Variants in ROBO1 observed in about 807,000 individuals in gnomAD.
The protein encoded by ROBO1 is roundabout guidance receptor 1, also known as roundabout homolog 1.
In ROBO1, 149 loss-of-function variants were observed where a neutral mutation model predicts 195.9. The ratio of observed to expected loss-of-function variants is 0.76; its 90% CI spans 0.67 to 0.87. ROBO1 has a LOEUF of 0.87. Ranked by LOEUF, ROBO1 falls within the 40% of genes least tolerant of loss-of-function variation. The pLI is 0.00. For synonymous variants in ROBO1, 816 were observed against 733.2 expected, an observed-to-expected ratio of 1.11 and a Z score of -1.82; for missense variants, 1,933 against 2,068.3, an observed-to-expected ratio of 0.93 and a Z score of 1.27.
intron 26 of ROBO1, among the ~76,000 whole-genome samples, chr3:78,625,033 G>A (rs2107461599): frequency 6.6e-6 from 1 of 152,274 alleles, no homozygotes; most frequent in Middle Eastern, 3.4e-3. Context: ...TTAAATACTG[G>A]GTTAAACACT....
At chr3:79,672,670 G>A (rs1946665707) in intron 1 of ROBO1, among the ~76,000 whole-genome samples, 1 of 151,886 alleles carries the variant, frequency 6.6e-6, no homozygotes, top group African/African-American at 2.4e-5. Flanking sequence ...GTTGTTGGCT[G>A]TTGTATCTTT....
intron 2 of ROBO1, among the ~76,000 whole-genome samples, chr3:79,196,854 C>A (rs2108768520): frequency 6.6e-6 from 1 of 151,804 alleles, no homozygotes; most frequent in Admixed American, 6.6e-5. Context: ...AAAAATATTT[C>A]AAACTATTCC....
intron 5 of ROBO1, among the ~76,000 whole-genome samples, chr3:78,729,815 A>T (rs1401457306): frequency 6.6e-6 from 1 of 152,240 alleles, no homozygotes; most frequent in Admixed American, 6.5e-5. Flanking sequence ...GGTAGATTAC[A>T]TGGTAGCATT....
Position 79,142,993 on chromosome 3 carries a change from C to T in ROBO1, c.89-17454G>A, listed in dbSNP as rs200893024. On this transcript the variant is annotated intron_variant, in intron 2 of 30. Transcript: ENST00000464233. ...ACATTTGGCATTTGAAAATGCCTTA[C>T]GTCTTCAACATAAACCGTAAAAGTG... Among the ~76,000 whole-genome samples, 327 of 152,154 alleles carry T rather than the reference C, an allele frequency of 2.1e-3. 1 individual carries two copies. The highest frequency in any genetic ancestry group is 7.4e-3 in the African/African-American group (307 of 41,544).
intron 4 of ROBO1, among the ~76,000 whole-genome samples, chr3:78,834,795 G>C (rs562223681): frequency 6.6e-6 from 1 of 152,004 alleles, no homozygotes; most frequent in South Asian, 2.1e-4. Context: ...TTTTAAAGCA[G>C]GTCTAAAAAT....
intron 4 of ROBO1, among the ~76,000 whole-genome samples, chr3:78,747,860 C>T (rs546757645): frequency 6.6e-6 from 1 of 152,232 alleles, no homozygotes; most frequent in South Asian, 2.1e-4. Context: ...ATCAAGAAAT[C>T]ATGAATTATG....
At chr3:78,855,366 T>G (rs329812) in intron 4 of ROBO1, among the ~76,000 whole-genome samples, 1 of 152,034 alleles carries the variant, frequency 6.6e-6, no homozygotes, top group African/African-American at 2.4e-5. Context: ...GAATTAGATC[T>G]GCTCTTGGAG....
At chr3:79,106,157 A>G (rs1047126360) in intron 3 of ROBO1, among the ~76,000 whole-genome samples, 2 of 151,740 alleles carry the variant, frequency 1.3e-5, no homozygotes, top group African/African-American at 2.4e-5. Flanking sequence ...AAACAAGCAA[A>G]TTGTCTGCTT....
chr3:78,781,379 A>T lies in ROBO1; in HGVS notation c.500-34479T>A, dbSNP rs1307956190. ...CATTTAATTCTATCTAGGTAGCCTC[A>T]AAGCACAAACTCTAACCCCAAGTGG... On this transcript the variant is annotated intron_variant, in intron 4 of 30. Transcript: ENST00000464233. 2.6e-5 allele frequency among the ~76,000 whole-genome samples: 4 copies of T among 152,326 alleles called. No homozygotes were observed. In the East Asian group the frequency reaches 7.7e-4, roughly 29 times the overall value.
chr3:78,894,124 G>T (rs1345572934), intron 4 of ROBO1, among the ~76,000 whole-genome samples: 1 of 152,058 alleles, frequency 6.6e-6, no homozygotes, highest in Non-Finnish European at 1.5e-5. Context: ...CACATTAAAA[G>T]AATATATGGT....
intron 2 of ROBO1, among the ~76,000 whole-genome samples, chr3:79,553,236 C>G (rs570109723): frequency 1.3e-5 from 2 of 152,066 alleles, no homozygotes; most frequent in African/African-American, 4.8e-5. Flanking sequence ...TCTAATTGTG[C>G]TTATTCCATA....
At chr3:79,184,637 G>A (rs2081403808) in intron 2 of ROBO1, among the ~76,000 whole-genome samples, 1 of 152,066 alleles carries the variant, frequency 6.6e-6, no homozygotes. Context: ...GACCAAGATT[G>A]GGGAAGAGCT....
At chr3:79,217,661 T>G (rs573155209) in intron 2 of ROBO1, among the ~76,000 whole-genome samples, 20 of 152,088 alleles carry the variant, frequency 1.3e-4, no homozygotes, top group Middle Eastern at 6.8e-3. Context: ...ATTGTAGAAG[T>G]AGCAACATAG....
chr3:79,144,696 A>G (rs1241858938), intron 2 of ROBO1, among the ~76,000 whole-genome samples: 2 of 151,964 alleles, frequency 1.3e-5, no homozygotes, highest in African/African-American at 4.8e-5. Flanking sequence ...CCTTATATTA[A>G]AAGGAAAAAT....
intron 1 of ROBO1, among the ~76,000 whole-genome samples, chr3:79,596,105 T>C (rs1355102299): frequency 6.6e-6 from 1 of 151,996 alleles, no homozygotes; most frequent in African/African-American, 2.4e-5. Flanking sequence ...GGAAAATCAA[T>C]CACCCAAAAT....
intron 3 of ROBO1, among the ~76,000 whole-genome samples, chr3:78,975,947 AC>A (rs1419615739): frequency 6.6e-6 from 1 of 152,192 alleles, no homozygotes; most frequent in African/African-American, 2.4e-5. Context: ...CAGCATAAAG[AC>A]CTTTACTCAA....
At chr3:78,903,972 A>T (rs1411759362) in intron 4 of ROBO1, among the ~76,000 whole-genome samples, 1 of 152,054 alleles carries the variant, frequency 6.6e-6, no homozygotes, top group African/African-American at 2.4e-5. Context: ...GAAGAAAAAA[A>T]ATTTTCTTAT....
intron 29 of ROBO1, 69 bp downstream of exon 29, chr3:78,606,664 T>C (rs1703474305): frequency 1.3e-6 from 2 of 1,492,184 alleles, no homozygotes; most frequent in Non-Finnish European, 9.2e-7. Context: ...CATGGCCATA[T>C]AGAGCCTAAC....
At chr3:78,635,716 T>A (rs1705451944) in intron 23 of ROBO1, 57 bp downstream of exon 23, 1 of 1,403,152 alleles carries the variant, frequency 7.1e-7, no homozygotes, top group Non-Finnish European at 9.8e-7. Flanking sequence ...CAACATCTAG[T>A]CGAGGTGCTG....
Sources: allele counts gnomAD v4.1 joint callset (sites outside exome capture counted in the v4.1 genomes callset), GRCh38; gene constraint gnomAD v4.1.1; transcripts MANE v1.5; gene names NCBI Gene and HGNC (gene_info 2026-07-23, HGNC 2026-07-21).